IL1RAPL2: variants seen among roughly 807,000 people sequenced by gnomAD.
IL1RAPL2 encodes the protein interleukin 1 receptor accessory protein like 2.
A neutral mutation model predicts 44.1 loss-of-function variants in IL1RAPL2; 3 were observed. The observed-to-expected ratio is 0.07, with a 90% confidence interval of 0.03 to 0.18. The LOEUF (loss-of-function observed/expected upper bound fraction) is 0.18. Ranked by LOEUF, IL1RAPL2 falls within the 10% of genes least tolerant of loss-of-function variation. The pLI, the probability that IL1RAPL2 is intolerant of heterozygous loss-of-function variation, is 1.00. For missense variants in IL1RAPL2, 391 were observed against 496.4 expected, an observed-to-expected ratio of 0.79 and a Z score of 2.02; for synonymous variants, 181 against 178.8, an observed-to-expected ratio of 1.01 and a Z score of -0.10.
chrX:105,502,543 T>C (rs958373567), intron 6 of IL1RAPL2, among the ~76,000 whole-genome samples: 8 of 111,021 alleles, frequency 7.2e-5, no homozygotes, highest in Non-Finnish European at 1.3e-4. Context: ...TCATGGAAGG[T>C]ATCGTTATTA....
intron 2 of IL1RAPL2, among the ~76,000 whole-genome samples, chrX:105,033,415 C>G (rs990987296): frequency 8.1e-5 from 9 of 111,124 alleles, no homozygotes; most frequent in Non-Finnish European, 1.7e-4. Context: ...TTAGGGCAGG[C>G]CTGGTGGTGA....
intron 6 of IL1RAPL2, among the ~76,000 whole-genome samples, chrX:105,653,421 C>G (rs763810135): frequency 1.8e-5 from 2 of 111,111 alleles, no homozygotes; most frequent in African/African-American, 3.3e-5. Context: ...AGAATCCAGG[C>G]AAAGAAATTT....
At chrX:104,633,050 AG>A (rs1464199827) in intron 1 of IL1RAPL2, among the ~76,000 whole-genome samples, 17 of 111,561 alleles carry the variant, frequency 1.5e-4, no homozygotes, top group African/African-American at 5.2e-4. Context: ...TTTAGCATGA[AG>A]GGTTGTTGAA....
At chrX:105,501,119 A>G (rs1356750322) in intron 6 of IL1RAPL2, among the ~76,000 whole-genome samples, 1 of 111,786 alleles carries the variant, frequency 8.9e-6, no homozygotes, top group African/African-American at 3.3e-5. Context: ...GGAAATGTCT[A>G]TTTTATGTAT....
At chrX:105,262,592 G>A (rs908767634) in intron 4 of IL1RAPL2, among the ~76,000 whole-genome samples, 1 of 111,496 alleles carries the variant, frequency 9.0e-6, no homozygotes, top group Non-Finnish European at 1.9e-5. Context: ...AGCAACTGAA[G>A]CTTAGATTGA....
intron 2 of IL1RAPL2, among the ~76,000 whole-genome samples, chrX:105,058,600 C>T (rs762890243): frequency 2.3e-4 from 26 of 111,719 alleles, no homozygotes; most frequent in African/African-American, 6.8e-4. Flanking sequence ...TGTAAAGACA[C>T]ATAGTAGAGA....
intron 6 of IL1RAPL2, among the ~76,000 whole-genome samples, chrX:105,508,578 C>T (rs1354184732): frequency 4.6e-5 from 5 of 109,385 alleles, no homozygotes; most frequent in African/African-American, 1.7e-4. Context: ...AGGTGATGCA[C>T]TTAAGGCATC....
intron 2 of IL1RAPL2, among the ~76,000 whole-genome samples, chrX:104,882,325 T>A (rs1449353594): frequency 8.9e-6 from 1 of 112,339 alleles, no homozygotes; most frequent in Non-Finnish European, 1.9e-5. Context: ...ATATTTTTCT[T>A]TCTAAATAAG....
chrX:104,725,923 C>T (rs888437071), intron 2 of IL1RAPL2, among the ~76,000 whole-genome samples: 1 of 111,282 alleles, frequency 9.0e-6, no homozygotes. Flanking sequence ...GTTTTGTTGC[C>T]ATTGCCTTTG....
chrX:104,790,269 G>C (rs1451066132), intron 2 of IL1RAPL2, among the ~76,000 whole-genome samples: 1 of 111,874 alleles, frequency 8.9e-6, no homozygotes, highest in Non-Finnish European at 1.9e-5. Flanking sequence ...ATGGATGCTG[G>C]GAGAGAGTCT....
At chrX:105,031,219 A>G (rs2031487106) in intron 2 of IL1RAPL2, among the ~76,000 whole-genome samples, 1 of 108,595 alleles carries the variant, frequency 9.2e-6, no homozygotes, top group African/African-American at 3.4e-5. Flanking sequence ...TCTTTTCCTA[A>G]TTGAATACCC....
intron 2 of IL1RAPL2, among the ~76,000 whole-genome samples, chrX:104,665,615 A>C (rs1352629641): frequency 9.0e-6 from 1 of 111,343 alleles, no homozygotes; most frequent in Non-Finnish European, 1.9e-5. Context: ...ATCCTAAATC[A>C]TATGCATTTT....
rs757017686 is a variant in IL1RAPL2 at position 105,112,432 on chromosome X, A to G, written c.83-83043A>G. ...TAACTCAATTTTGACTGACCTTTCA[A>G]TAAGTTTTCTGGATAATTAAAGTAG... is the stretch of plus-strand genomic sequence containing the variant. On this transcript the variant is annotated intron_variant, in intron 2 of 10. Transcript: ENST00000372582. 4.4e-5 allele frequency among the ~76,000 whole-genome samples: 5 copies of G among 112,454 alleles called. No individual in the cohort carries two copies. The South Asian group carries it at 1.8e-3, about 41-fold the overall frequency.
chrX:104,797,125 C>T (rs1028830702), intron 2 of IL1RAPL2, among the ~76,000 whole-genome samples: 5 of 102,870 alleles, frequency 4.9e-5, no homozygotes, highest in Non-Finnish European at 7.8e-5. Context: ...TCCTTTATCT[C>T]TCCAAAAGAC....
chrX:105,544,480 TG>T (rs1179894610), intron 6 of IL1RAPL2, among the ~76,000 whole-genome samples: 1 of 110,866 alleles, frequency 9.0e-6, no homozygotes, highest in Admixed American at 9.7e-5. Context: ...TCAATAGAAG[TG>T]GCGAAAGCAG....
At chrX:105,704,579 C>G (rs760655181) in intron 6 of IL1RAPL2, among the ~76,000 whole-genome samples, 28 of 111,482 alleles carry the variant, frequency 2.5e-4, no homozygotes, top group Non-Finnish European at 5.3e-4. Flanking sequence ...TTGTCCCTTG[C>G]TTTGGGAATC....
chrX:105,082,771 G>T (rs1161199174), intron 2 of IL1RAPL2, among the ~76,000 whole-genome samples: 1 of 111,494 alleles, frequency 9.0e-6, no homozygotes, highest in South Asian at 3.8e-4. Flanking sequence ...ACAAAAGTAC[G>T]TCCACTCAGA....
At chrX:105,711,917 C>T (rs2147548979) in intron 6 of IL1RAPL2, among the ~76,000 whole-genome samples, 1 of 112,413 alleles carries the variant, frequency 8.9e-6, no homozygotes, top group South Asian at 3.7e-4. Flanking sequence ...GTCCCATATC[C>T]TGGGTACACT....
chrX:105,324,893 G>A (rs1383080502), intron 5 of IL1RAPL2, among the ~76,000 whole-genome samples: 1 of 112,240 alleles, frequency 8.9e-6, no homozygotes, highest in African/African-American at 3.2e-5. Context: ...CAGATGTCCA[G>A]TGAAAATGCT....
Sources: allele counts gnomAD v4.1 joint callset (sites outside exome capture counted in the v4.1 genomes callset), GRCh38; gene constraint gnomAD v4.1.1; transcripts MANE v1.5; gene names NCBI Gene and HGNC (gene_info 2026-07-23, HGNC 2026-07-21).